Variants in MYRIP observed in about 807,000 individuals in gnomAD.
MYRIP encodes myosin VIIA and Rab interacting protein.
A neutral mutation model predicts 98.0 loss-of-function variants in MYRIP; 49 were observed. The ratio of observed to expected loss-of-function variants is 0.50; its 90% CI spans 0.40 to 0.63. MYRIP has a LOEUF of 0.63. MYRIP is among the 30% of genes least tolerant of loss of function. The probability of loss-of-function intolerance (pLI) is 0.00; values close to 1 mark genes in which losing one functional copy is unlikely to be tolerated. For synonymous variants in MYRIP, 404 were observed against 409.5 expected, an observed-to-expected ratio of 0.99 and a Z score of 0.16; for missense variants, 1,004 against 1,058.2, an observed-to-expected ratio of 0.95 and a Z score of 0.71.
At chr3:40,256,724 T>C (rs1953602924) in intron 16 of MYRIP, among the ~76,000 whole-genome samples, 3 of 152,010 alleles carry the variant, frequency 2.0e-5, no homozygotes, top group African/African-American at 7.2e-5. Context: ...TTAAAATTTA[T>C]TAAACCTTTC....
chr3:40,134,172 C>T (rs972657361), intron 3 of MYRIP, among the ~76,000 whole-genome samples: 1 of 152,310 alleles, frequency 6.6e-6, no homozygotes, highest in Non-Finnish European at 1.5e-5. Context: ...TGGAAAATCC[C>T]GTTACTCCCA....
intron 11 of MYRIP, among the ~76,000 whole-genome samples, chr3:40,215,089 T>A (rs754162628): frequency 3.9e-5 from 6 of 152,194 alleles, no homozygotes; most frequent in African/African-American, 1.2e-4. Flanking sequence ...TTTTGGAACA[T>A]GAGCATTTAT....
Position 40,151,190 on chromosome 3 carries a change from C to T in MYRIP, c.469+6C>T, listed in dbSNP as rs1386542911. 1.3e-6 allele frequency: 2 copies of T among 1,593,526 alleles called. No individual in the cohort carries two copies. The highest frequency in any genetic ancestry group is 2.7e-5 in the African/African-American group (2 of 74,416). On this transcript the variant is annotated splice_donor_region_variant and intron_variant, in intron 4 of 16. Transcript: ENST00000302541. ...CGCGTGCTTCGACATTCTAGGTACTCTCACTTCCTGCCGCTCTGGGAGTCT... is the reference window on the plus strand; with the variant it reads ...CGCGTGCTTCGACATTCTAGGTACTTTCACTTCCTGCCGCTCTGGGAGTCT...
At chr3:39,933,442 T>C (rs1043392599) in intron 2 of MYRIP, among the ~76,000 whole-genome samples, 6 of 152,234 alleles carry the variant, frequency 3.9e-5, no homozygotes, top group African/African-American at 1.4e-4. Flanking sequence ...AGTTGCCCTG[T>C]AGGTTTATGC....
chr3:40,159,305 G>C (rs1559426655), intron 4 of MYRIP, among the ~76,000 whole-genome samples: 1 of 152,034 alleles, frequency 6.6e-6, no homozygotes, highest in African/African-American at 2.4e-5. Context: ...TTTTCTTTAA[G>C]AATGTTGAAT....
rs6776665 is a variant in MYRIP at position 40,241,502 on chromosome 3, T to C, written c.2101-2944T>C. ...GGAAGCCACATCCAACAAGATGCTC[T>C]AAGGTCAAATAAGTCTGGGAAGCTT... is the stretch of plus-strand genomic sequence containing the variant. On this transcript the variant is annotated intron_variant, in intron 12 of 16. Coordinates refer to ENST00000302541, the MANE Select transcript of MYRIP (RefSeq NM_015460.4). Among the ~76,000 whole-genome samples the C allele has an allele frequency of 8.8e-3, 1,344 of 152,206 alleles. 23 individuals are homozygous for C. Among genetic ancestry groups the C allele is most frequent in the African/African-American group, 0.03 (1,265 of 41,514 alleles).
At chr3:39,874,629 A>C (rs1170484341) in intron 1 of MYRIP, among the ~76,000 whole-genome samples, 3 of 152,118 alleles carry the variant, frequency 2.0e-5, no homozygotes, top group African/African-American at 7.2e-5. Context: ...TTCTGTTTAT[A>C]TGCTGGATTA....
chr3:40,242,213 G>C (rs575583663), intron 12 of MYRIP: 132 of 152,242 alleles, frequency 8.7e-4, no homozygotes, highest in African/African-American at 3.1e-3. Context: ...GCATATATAA[G>C]TCACATAAAA....
chr3:40,135,790 A>AT (rs754046337), intron 3 of MYRIP, among the ~76,000 whole-genome samples: 1 of 152,240 alleles, frequency 6.6e-6, no homozygotes, highest in Non-Finnish European at 1.5e-5. Context: ...ACTAAGCTTC[A>AT]TAAGTGAAGG....
intron 4 of MYRIP, among the ~76,000 whole-genome samples, chr3:40,156,808 G>A (rs1950253000): frequency 6.6e-6 from 1 of 152,096 alleles, no homozygotes; most frequent in South Asian, 2.1e-4. Flanking sequence ...TGTTGTTGGT[G>A]TATAAGAATG....
chr3:39,875,456 C>T (rs1363022924), intron 1 of MYRIP, among the ~76,000 whole-genome samples: 1 of 151,536 alleles, frequency 6.6e-6, no homozygotes, highest in African/African-American at 2.4e-5. Flanking sequence ...TGGATCTTTC[C>T]TGCTTTCTCT....
intron 1 of MYRIP, among the ~76,000 whole-genome samples, chr3:39,885,757 T>C (rs1490028901): frequency 1.3e-5 from 2 of 152,134 alleles, no homozygotes; most frequent in Non-Finnish European, 2.9e-5. Context: ...TGATCTTCCA[T>C]CACTGATACC....
intron 1 of MYRIP, among the ~76,000 whole-genome samples, chr3:39,899,122 CT>C (rs1943685216): frequency 6.6e-6 from 1 of 152,092 alleles, no homozygotes; most frequent in Non-Finnish European, 1.5e-5. Flanking sequence ...CCACATTCCA[CT>C]TTGGTTTTAC....
At chr3:39,971,846 T>C (rs1471174053) in intron 2 of MYRIP, among the ~76,000 whole-genome samples, 1 of 152,096 alleles carries the variant, frequency 6.6e-6, no homozygotes, top group African/African-American at 2.4e-5. Flanking sequence ...GTTGGAGGTT[T>C]TGTTACAGTT....
At chr3:40,163,305 C>T (rs1349778065) in intron 5 of MYRIP, among the ~76,000 whole-genome samples, 1 of 152,178 alleles carries the variant, frequency 6.6e-6, no homozygotes, top group African/African-American at 2.4e-5. Flanking sequence ...CCTCAATTGC[C>T]TTCCTCCTGT....
chr3:39,922,435 G>C (rs1944326860), intron 2 of MYRIP, among the ~76,000 whole-genome samples: 1 of 152,220 alleles, frequency 6.6e-6, no homozygotes, highest in African/African-American at 2.4e-5. Context: ...TGTGGTGTAA[G>C]TGGGGCCACT....
At chr3:39,955,885 C>A (rs913616005) in intron 2 of MYRIP, among the ~76,000 whole-genome samples, 5 of 152,114 alleles carry the variant, frequency 3.3e-5, no homozygotes, top group Non-Finnish European at 7.3e-5. Flanking sequence ...ATCATAGTTT[C>A]TGATAAAACA....
chr3:40,081,916 A>G (rs1166189362), intron 3 of MYRIP, among the ~76,000 whole-genome samples: 1 of 152,166 alleles, frequency 6.6e-6, no homozygotes, highest in African/African-American at 2.4e-5. Flanking sequence ...GAGCAAGATC[A>G]TGTACTATTT....
intron 2 of MYRIP, among the ~76,000 whole-genome samples, chr3:39,947,897 A>C (rs1181392479): frequency 6.6e-6 from 1 of 152,202 alleles, no homozygotes; most frequent in Non-Finnish European, 1.5e-5. Context: ...TAAATCAGTG[A>C]TTGTCAACTT....
Sources: allele counts gnomAD v4.1 joint callset (sites outside exome capture counted in the v4.1 genomes callset), GRCh38; gene constraint gnomAD v4.1.1; transcripts MANE v1.5; gene names NCBI Gene and HGNC (gene_info 2026-07-23, HGNC 2026-07-21).